The following PCSK2 variants were observed in gnomAD, a reference collection of about 807,000 sequenced individuals.
PCSK2 encodes the protein proprotein convertase subtilisin/kexin type 2, also known as neuroendocrine convertase 2.
A neutral mutation model predicts 69.7 loss-of-function variants in PCSK2; 14 were observed. The observed-to-expected ratio is 0.20, with a 90% CI of 0.13 to 0.31. PCSK2 has a LOEUF of 0.31. PCSK2 is among the 10% of genes least tolerant of loss of function. PCSK2 has a pLI of 1.00. For synonymous variants in PCSK2, 307 were observed against 320.7 expected (o/e 0.96, Z 0.46); for missense variants, 544 against 842.5 (o/e 0.65, Z 4.39).
At chr20:17,433,938 C>CCT (rs1447261397) in intron 7 of PCSK2, among the ~76,000 whole-genome samples, 1 of 134,318 alleles carries the variant, frequency 7.4e-6, no homozygotes, top group African/African-American at 2.8e-5. Context: ...CTCTCCTCTC[C>CCT]CTCTCTCTCT....
At chr20:17,369,086 T>C (rs911921630) in intron 4 of PCSK2, among the ~76,000 whole-genome samples, 154 bp from the exon 5 acceptor site, 8 of 152,046 alleles carry the variant, frequency 5.3e-5, no homozygotes, top group African/African-American at 1.9e-4. Context: ...AGAAGGGAGG[T>C]GCAAGACTGG....
chr20:17,364,087 T>C (rs1328228526), intron 4 of PCSK2, among the ~76,000 whole-genome samples: 3 of 151,604 alleles, frequency 2.0e-5, no homozygotes, highest in South Asian at 2.1e-4. Context: ...TGTATACACA[T>C]GTAATTAACC....
intron 9 of PCSK2, among the ~76,000 whole-genome samples, chr20:17,454,547 G>GA (rs947532449): frequency 1.5e-4 from 22 of 151,258 alleles, no homozygotes; most frequent in East Asian, 3.9e-4. Context: ...TCTGAGCAAA[G>GA]AAAAAAAAAT....
chr20:17,375,520 A>G (rs2030899056), intron 5 of PCSK2, among the ~76,000 whole-genome samples: 1 of 152,154 alleles, frequency 6.6e-6, no homozygotes, highest in Admixed American at 6.5e-5. Context: ...TTAGAACTAG[A>G]TGAATATTCA....
At chr20:17,314,534 C>T (rs1989619215) in intron 2 of PCSK2, among the ~76,000 whole-genome samples, 1 of 152,130 alleles carries the variant, frequency 6.6e-6, no homozygotes, top group South Asian at 2.1e-4. Flanking sequence ...TGGATGTGAA[C>T]GATTTGGGAG....
chr20:17,242,538 T>A (rs565854298), intron 1 of PCSK2, among the ~76,000 whole-genome samples: 36 of 152,372 alleles, frequency 2.4e-4, no homozygotes, highest in African/African-American at 8.7e-4. Flanking sequence ...ATCTGAGGTC[T>A]CTATTTTGCT....
chr20:17,432,511 A>C (rs894975848), intron 7 of PCSK2, among the ~76,000 whole-genome samples: 1 of 152,166 alleles, frequency 6.6e-6, no homozygotes, highest in Non-Finnish European at 1.5e-5. Flanking sequence ...TTTATTTTGA[A>C]AATGCCTTTA....
chr20:17,403,027 G>T (rs1309381274), intron 5 of PCSK2, among the ~76,000 whole-genome samples: 1 of 152,182 alleles, frequency 6.6e-6, no homozygotes, highest in African/African-American at 2.4e-5. Flanking sequence ...CAACTGTGTG[G>T]CCTGACCGTT....
At chr20:17,284,511 A>G (rs2123052709) in intron 2 of PCSK2, among the ~76,000 whole-genome samples, 1 of 152,366 alleles carries the variant, frequency 6.6e-6, no homozygotes, top group African/African-American at 2.4e-5. Context: ...GACAAATTAC[A>G]ACAAATTTAG....
intron 11 of PCSK2, among the ~76,000 whole-genome samples, chr20:17,469,806 G>A (rs1001674793): frequency 7.7e-6 from 1 of 129,486 alleles, no homozygotes; most frequent in African/African-American, 2.8e-5. Context: ...ACTGGGATCT[G>A]AGCCCAGTCA....
At chr20:17,267,311 T>C (rs1199980582) in intron 2 of PCSK2, among the ~76,000 whole-genome samples, 2 of 152,138 alleles carry the variant, frequency 1.3e-5, no homozygotes, top group Non-Finnish European at 2.9e-5. Flanking sequence ...GGTCAGCGGG[T>C]GTAAACCATT....
chr20:17,330,701 T>A (rs559715792), intron 2 of PCSK2, among the ~76,000 whole-genome samples: 2 of 152,132 alleles, frequency 1.3e-5, no homozygotes, highest in Admixed American at 6.5e-5. Flanking sequence ...ATCACTGAAA[T>A]AATAAAGGCT....
In PCSK2 at chr20:17,473,118, G is replaced by C. The variant is rs1305017114; in HGVS notation, c.1430+7565G>C. Among the ~76,000 whole-genome samples, 10 of 100,782 alleles carry C rather than the reference G, an allele frequency of 9.9e-5. 1 individual carries two copies. The highest frequency in any genetic ancestry group is 9.9e-4 in the South Asian group (3 of 3,040). 66.1% of individuals were successfully genotyped at this position (100,782 alleles called of 152,430 possible). A position where few individuals can be genotyped will look rare whatever the true frequency, so the allele number is the denominator to read the frequency against. ...TTTTTTTTTTTTTTTTTTTGAGATCGAGTCTCACTGTGTCACCCAGGCTGG... is the reference window on the plus strand; with the variant it reads ...TTTTTTTTTTTTTTTTTTTGAGATCCAGTCTCACTGTGTCACCCAGGCTGG... On this transcript the variant is annotated intron_variant, in intron 11 of 11. Transcript: ENST00000262545.
At chr20:17,472,728 G>A (rs970689571) in intron 11 of PCSK2, among the ~76,000 whole-genome samples, 6 of 152,002 alleles carry the variant, frequency 3.9e-5, no homozygotes, top group South Asian at 2.1e-4. Flanking sequence ...CACCAAACCC[G>A]GCTAATTTTT....
At chr20:17,437,472 C>T (rs1179072300) in intron 8 of PCSK2, among the ~76,000 whole-genome samples, 2 of 152,166 alleles carry the variant, frequency 1.3e-5, no homozygotes, top group African/African-American at 2.4e-5. Flanking sequence ...GGGAAGGGGG[C>T]CCCTTCTCTG....
chr20:17,481,109 G>A (rs11087209), intron 11 of PCSK2, among the ~76,000 whole-genome samples: 19,233 of 152,094 alleles, frequency 0.13, 1,174 homozygotes, highest in East Asian at 0.15. Context: ...AGCCGGGCGT[G>A]GTGGCTCACA....
chr20:17,326,981 T>A lies in PCSK2; in HGVS notation c.283-31346T>A, dbSNP rs147510377. 8.1e-4 allele frequency among the ~76,000 whole-genome samples: 124 copies of A among 152,288 alleles called. 1 individual carries two copies. The highest frequency in any genetic ancestry group is 2.8e-3 in the African/African-American group (117 of 41,548). On this transcript the variant is annotated intron_variant, in intron 2 of 11. Coordinates refer to ENST00000262545, the MANE Select transcript of PCSK2 (RefSeq NM_002594.5). Reference sequence around the variant, plus strand: ...CCTCACTCCACTGTGATCTTACTCTTCTCAGTATATCTGTAGTCTTCTCAT... The same window carrying A: ...CCTCACTCCACTGTGATCTTACTCTACTCAGTATATCTGTAGTCTTCTCAT...
rs1035837049 is a variant in PCSK2, at chr20:17,482,683, T to A, written c.*613T>A. On this transcript the variant is annotated 3_prime_UTR_variant, in exon 12 of 12. Coordinates refer to ENST00000262545, the MANE Select transcript of PCSK2 (RefSeq NM_002594.5). Reference sequence around the variant, plus strand: ...CATGGGGAAAGAGATCCAGGAAGCATGAGTGCTGGATATTTTACTACCAAT... The same window carrying A: ...CATGGGGAAAGAGATCCAGGAAGCAAGAGTGCTGGATATTTTACTACCAAT... The A allele has an allele frequency of 1.3e-5, 2 of 152,368 alleles. No homozygotes were observed. Among genetic ancestry groups the A allele is most frequent in the African/African-American group, 4.8e-5 (2 of 41,434 alleles). 9.4% of individuals were successfully genotyped at this position (152,368 alleles called of 1,614,324 possible).
At chr20:17,340,183 G>A (rs1389637881) in intron 2 of PCSK2, among the ~76,000 whole-genome samples, 1 of 152,216 alleles carries the variant, frequency 6.6e-6, no homozygotes, top group Non-Finnish European at 1.5e-5. Flanking sequence ...AGGCGGCATG[G>A]AGGAAGAGTC....
Sources: allele counts gnomAD v4.1 joint callset (sites outside exome capture counted in the v4.1 genomes callset), GRCh38; gene constraint gnomAD v4.1.1; transcripts MANE v1.5; gene names NCBI Gene and HGNC (gene_info 2026-07-23, HGNC 2026-07-21).